PKD2: variants seen among roughly 807,000 people sequenced by gnomAD.
The protein encoded by PKD2 is polycystin-2.
In PKD2, 48 loss-of-function variants were observed where a neutral mutation model predicts 105.9. The ratio of observed to expected loss-of-function variants is 0.45; its 90% confidence interval spans 0.36 to 0.58. The LOEUF (loss-of-function observed/expected upper bound fraction) is 0.58. PKD2 is among the 20% of genes least tolerant of loss of function. The pLI is 0.00. For synonymous variants in PKD2, 464 were observed against 481.1 expected (o/e 0.96, Z 0.46); for missense variants, 1,078 against 1,255.3 (o/e 0.86, Z 2.13).
chr4:88,044,350 A>G lies in PKD2; in HGVS notation c.1319+893A>G, dbSNP rs1006743180. Among the ~76,000 whole-genome samples the G allele has an allele frequency of 3.9e-5, 6 of 152,224 alleles. No individual in the cohort carries two copies. The East Asian group carries it at 1.2e-3, about 29-fold the overall frequency. ...CACCCAAACATCACTAACATGGATT[A>G]TTGCATGTATATTTACACATAAGAT... On this transcript the variant is annotated intron_variant, in intron 5 of 14. Transcript: ENST00000237596.
At chr4:88,028,469 C>T (rs920227012) in intron 2 of PKD2, among the ~76,000 whole-genome samples, 14 of 152,370 alleles carry the variant, frequency 9.2e-5, no homozygotes, top group African/African-American at 3.4e-4. Flanking sequence ...AAGCCTTCAA[C>T]TATGACTGGA....
At chr4:88,064,583 G>A (rs2110137072) in intron 10 of PKD2, among the ~76,000 whole-genome samples, 1 of 152,196 alleles carries the variant, frequency 6.6e-6, no homozygotes, top group African/African-American at 2.4e-5. Flanking sequence ...GCAAGGTCAG[G>A]TCTAAAGTTC....
intron 2 of PKD2, among the ~76,000 whole-genome samples, chr4:88,029,484 C>T (rs1313829589): frequency 6.6e-6 from 1 of 152,108 alleles, no homozygotes; most frequent in East Asian, 1.9e-4. Flanking sequence ...CCCATCTATC[C>T]AGCCATGCTC....
At position 88,075,648 on chromosome 4, in the gene PKD2, G is replaced by T; in HGVS notation, c.2861G>T (p.Gly954Val). ...CCATCTTCCTCCCAATCTACAGAAG[G>T]CATGGAAGGTGCAGGTGGAAATGGG... The part of the protein sequence containing the change: ...SRPSSSQSTE[G>V]MEGAGGNGSS... Residue 954 changes from glycine (G) to valine (V), a missense_variant, in exon 15 of 15, where the codon GGC becomes GTC. Physicochemically the swap from Gly to Val is moderately radical, Grantham distance 109. Around this residue, in one of 2 missense-constraint regions of PKD2, gnomAD observed 868 missense variants for 1,067.3 expected, o/e 0.81. Transcript: ENST00000237596. 6.2e-7 allele frequency: 1 copy of T among 1,614,092 alleles called. No homozygotes were observed. Among genetic ancestry groups the T allele is most frequent in the African/African-American group, 1.3e-5 (1 of 75,036 alleles).
intron 1 of PKD2, among the ~76,000 whole-genome samples, chr4:88,013,710 A>T (rs898561108): frequency 8.6e-6 from 1 of 116,384 alleles, no homozygotes; most frequent in Non-Finnish European, 1.8e-5. Context: ...GCCTGTATCT[A>T]AAAAAAAAAA....
rs1328405382 is a variant in PKD2 at position 88,043,290 on chromosome 4, A to T, written c.1152A>T (p.Ala384=). Reference sequence around the variant, plus strand: ...GTAGTAGCCACTGGGGAATCATTGCAACTTATAGTGGAGCTGGCTATTATC... The same window carrying T: ...GTAGTAGCCACTGGGGAATCATTGCTACTTATAGTGGAGCTGGCTATTATC... ...LNGSSHWGII[A]TYSGAGYYLD... The change falls in exon 5 of 15, where the codon GCA becomes GCT. Residue 384 remains alanine, a synonymous_variant. Coordinates refer to ENST00000237596, the MANE Select transcript of PKD2 (RefSeq NM_000297.4). 2 of 1,613,776 alleles carry T rather than the reference A, an allele frequency of 1.2e-6. No individual in the cohort carries two copies. Among genetic ancestry groups the T allele is most frequent in the Admixed American group, 3.3e-5 (2 of 59,998 alleles).
chr4:88,074,451 T>C (rs1057180596), intron 13 of PKD2, among the ~76,000 whole-genome samples: 1 of 152,128 alleles, frequency 6.6e-6, no homozygotes, highest in Admixed American at 6.5e-5. Flanking sequence ...CCATCAATTG[T>C]TTGATGTAGC....
At chr4:88,013,709 TAA>T (rs199674454) in intron 1 of PKD2, among the ~76,000 whole-genome samples, 11 of 131,012 alleles carry the variant, frequency 8.4e-5, no homozygotes, top group Admixed American at 1.5e-4. Flanking sequence ...AGCCTGTATC[TAA>T]AAAAAAAAAA....
chr4:88,019,023 G>C (rs1038380793), intron 1 of PKD2, among the ~76,000 whole-genome samples: 1 of 152,176 alleles, frequency 6.6e-6, no homozygotes, highest in Non-Finnish European at 1.5e-5. Flanking sequence ...GTTATTACTT[G>C]AAATATAATT....
At chr4:88,040,487 ATTC>A (rs1727520369) in intron 4 of PKD2, among the ~76,000 whole-genome samples, 1 of 152,140 alleles carries the variant, frequency 6.6e-6, no homozygotes. Flanking sequence ...CTATCCTTTT[ATTC>A]TTCTACATTC....
chr4:88,057,585 G>A (rs1273536151), intron 8 of PKD2, among the ~76,000 whole-genome samples: 3 of 151,776 alleles, frequency 2.0e-5, no homozygotes, highest in Non-Finnish European at 2.9e-5. Context: ...ATGGGCGCAC[G>A]CCACCAAGCC....
rs530554291 is a variant in PKD2 at position 88,052,484 on chromosome 4, G to A, written c.1716+326G>A. 3.9e-5 allele frequency among the ~76,000 whole-genome samples: 6 copies of A among 152,152 alleles called. No homozygotes were observed. In the South Asian group the frequency reaches 1.2e-3, roughly 32 times the overall value. ...AAGGTCTCATTATGTTGCCCAGGCT[G>A]GTTTTGAACTCCTGGGTTCAAGCAA... On this transcript the variant is annotated intron_variant, in intron 7 of 14. Transcript: ENST00000237596.
intron 4 of PKD2, among the ~76,000 whole-genome samples, chr4:88,039,182 C>G (rs1450832751): frequency 6.6e-6 from 1 of 152,112 alleles, no homozygotes; most frequent in Non-Finnish European, 1.5e-5. Context: ...CGTCACTGGT[C>G]GGAGTCATCT....
intron 4 of PKD2, among the ~76,000 whole-genome samples, chr4:88,040,954 CT>C (rs1727539645): frequency 6.6e-6 from 1 of 152,172 alleles, no homozygotes; most frequent in Admixed American, 6.5e-5. Context: ...GAAGTCCCCC[CT>C]CTTCTAGTAG....
chr4:88,076,045 T>C lies in PKD2; in HGVS notation c.*351T>C, dbSNP rs1166143834. The C allele has an allele frequency of 2.3e-5, 6 of 257,972 alleles. No homozygotes were observed. The highest frequency in any genetic ancestry group is 4.5e-5 in the Non-Finnish European group (6 of 133,328). 16.0% of individuals were successfully genotyped at this position (257,972 alleles called of 1,614,324 possible). A position where few individuals can be genotyped will look rare whatever the true frequency, so the allele number is the denominator to read the frequency against. The stretch of plus-strand genomic sequence containing the variant: ...ACTGTCAAAGGGCTTCTGAGTTTCA[T>C]TTCCAGTCACAAAAATCAGTATTGT... On this transcript the variant is annotated 3_prime_UTR_variant, in exon 15 of 15. Transcript: ENST00000237596.
intron 1 of PKD2, among the ~76,000 whole-genome samples, chr4:88,009,655 CTAGT>C: frequency 6.6e-6 from 1 of 152,168 alleles, no homozygotes; most frequent in Non-Finnish European, 1.5e-5. Context: ...GATTCTTATA[CTAGT>C]TAATTTTATT....
At chr4:88,070,670 T>TCAC (rs1721000060) in intron 13 of PKD2, among the ~76,000 whole-genome samples, 1 of 148,340 alleles carries the variant, frequency 6.7e-6, no homozygotes, top group South Asian at 2.2e-4. Flanking sequence ...TCTCACTCCA[T>TCAC]CACCCAGGCT....
intron 13 of PKD2, among the ~76,000 whole-genome samples, chr4:88,071,228 A>G (rs951834982): frequency 6.7e-6 from 1 of 149,874 alleles, no homozygotes; most frequent in African/African-American, 2.5e-5. Context: ...GCTAATTTTT[A>G]TTTTTTGTAG....
chr4:88,031,973 T>C (rs972531193), intron 2 of PKD2, among the ~76,000 whole-genome samples: 2 of 152,200 alleles, frequency 1.3e-5, no homozygotes, highest in Admixed American at 6.5e-5. Context: ...AAAAATATTT[T>C]GTTCCTGATA....
Sources: gnomAD v4.1 joint callset for allele counts (sites outside exome capture counted in the v4.1 genomes callset) on GRCh38, gnomAD v4.1.1 for gene constraint, gnomAD v4.1.1 regional missense constraint, MANE v1.5 for transcripts, NCBI Gene and HGNC (gene_info 2026-07-23, HGNC 2026-07-21) for gene names.